Variants in RBL1 observed in about 807,000 individuals in gnomAD.
The protein encoded by RBL1 is RB transcriptional corepressor like 1, also known as retinoblastoma-like protein 1.
In RBL1, 82 loss-of-function variants were observed where a neutral mutation model predicts 123.0. That is an observed-to-expected ratio of 0.67 (90% CI 0.56 to 0.80). The LOEUF (loss-of-function observed/expected upper bound fraction) is 0.80. RBL1 is among the 30% of genes least tolerant of loss of function. The pLI is 0.00. For missense variants in RBL1, 1,171 were observed against 1,299.6 expected, an observed-to-expected ratio of 0.90 and a Z score of 1.52; for synonymous variants, 405 against 441.3, an observed-to-expected ratio of 0.92 and a Z score of 1.03.
At position 37,089,116 on chromosome 20, in the gene RBL1, C is replaced by T. The variant is rs1249875860; in HGVS notation, c.163G>A (p.Val55Ile). ...IRGNYSLEGE[V>I]THWLACSLYV... ...AATGAACATGCCAACCAGTGTGTAA[C>T]TTCTCCCTGGCAAGCAAAAGACAAA... The change falls in exon 2 of 22, where the codon GTT becomes ATT. Residue 55 changes from valine to isoleucine, a missense_variant. Physicochemically the swap from Val to Ile is conservative, Grantham distance 29. Transcript: ENST00000373664. The T allele has an allele frequency of 1.3e-6, 2 of 1,598,286 alleles. No individual in the cohort carries two copies. The highest frequency in any genetic ancestry group is 2.3e-5 in the East Asian group (1 of 44,092).
At chr20:37,093,260 C>A (rs1309450435) in intron 1 of RBL1, among the ~76,000 whole-genome samples, 1 of 151,818 alleles carries the variant, frequency 6.6e-6, no homozygotes, top group Non-Finnish European at 1.5e-5. Context: ...ACTCCAAATA[C>A]CTTTAAAAAA....
At chr20:37,087,376 G>A (rs2065565682) in intron 2 of RBL1, among the ~76,000 whole-genome samples, 1 of 151,944 alleles carries the variant, frequency 6.6e-6, no homozygotes. Context: ...TTAAGGTCAG[G>A]ACTTTGAGAC....
At chr20:37,079,218 A>C (rs1033135849) in intron 2 of RBL1, among the ~76,000 whole-genome samples, 1 of 151,776 alleles carries the variant, frequency 6.6e-6, no homozygotes, top group Non-Finnish European at 1.5e-5. Context: ...AAAAAAAAAA[A>C]AAACCCTCAA....
Position 37,061,212 on chromosome 20 carries a change from C to T in RBL1, c.1141G>A (p.Glu381Lys). ...LTGRRYLREK[E>K]AVITPVASAT... ...GATGCAACAGGAGTAATGACTGCTT[C>T]TTTTTCTCGTAAATATCTCCGTCCG... Residue 381 changes from glutamate to lysine, a missense_variant, in exon 9 of 22, where the codon GAA becomes AAA. Transcript: ENST00000373664. 1.2e-6 allele frequency: 2 copies of T among 1,614,118 alleles called. No homozygotes were observed. Among genetic ancestry groups the T allele is most frequent in the East Asian group, 2.2e-5 (1 of 44,880 alleles).
At chr20:37,020,074 A>G (rs1192692839) in intron 18 of RBL1, among the ~76,000 whole-genome samples, 3 of 150,366 alleles carry the variant, frequency 2.0e-5, no homozygotes, top group Non-Finnish European at 4.4e-5. Flanking sequence ...GAATATTATT[A>G]TTATTATACA....
At chr20:37,045,994 T>C (rs1351099938) in intron 12 of RBL1, among the ~76,000 whole-genome samples, 1 of 152,212 alleles carries the variant, frequency 6.6e-6, no homozygotes, top group East Asian at 1.9e-4. Context: ...CGTTATTGAC[T>C]GTGATGACTA....
chr20:37,081,062 T>C (rs549495694), intron 2 of RBL1, among the ~76,000 whole-genome samples: 2 of 152,270 alleles, frequency 1.3e-5, no homozygotes, highest in South Asian at 4.1e-4. Flanking sequence ...TACTGCAAGG[T>C]CAGGGACCTT....
chr20:36,999,707 C>A (rs28693476), intron 21 of RBL1, among the ~76,000 whole-genome samples: 1 of 147,206 alleles, frequency 6.8e-6, no homozygotes, highest in East Asian at 2.0e-4. Context: ...TTGGCCGGGC[C>A]GGTCTCCAGC....
intron 20 of RBL1, 106 bp from the exon 21 acceptor site, chr20:37,003,972 G>T: frequency 1.1e-6 from 1 of 924,784 alleles, no homozygotes. Context: ...CAGTTATACT[G>T]TAAAAAGCTC....
In RBL1 at chr20:37,040,259, T is replaced by G. The variant is rs773406982; in HGVS notation, c.1797A>C (p.Thr599=). 6 of 1,614,126 alleles carry G rather than the reference T, an allele frequency of 3.7e-6. No homozygotes were observed. Among genetic ancestry groups the G allele is most frequent in the Non-Finnish European group, 5.1e-6 (6 of 1,179,976 alleles). ...EEVIFPNNFE[T]GNGGNVQGHL... Reference sequence around the variant, plus strand: ...GTCCCTGCACATTTCCTCCATTTCCTGTTTCAAAGTTATTTGGGAATATAA... The same window carrying G: ...GTCCCTGCACATTTCCTCCATTTCCGGTTTCAAAGTTATTTGGGAATATAA... Residue 599 remains threonine (T), a synonymous_variant, in exon 14 of 22, where the codon ACA becomes ACC. Transcript: ENST00000373664.
chr20:37,059,900 C>T (rs890551289), intron 9 of RBL1, among the ~76,000 whole-genome samples: 2 of 151,482 alleles, frequency 1.3e-5, no homozygotes, highest in African/African-American at 2.4e-5. Context: ...GGGCTGGGCG[C>T]GGTGGCTCAC....
chr20:37,009,335 CTT>C (rs2064119079), intron 19 of RBL1, among the ~76,000 whole-genome samples: 1 of 151,906 alleles, frequency 6.6e-6, no homozygotes, highest in East Asian at 1.9e-4. Flanking sequence ...CCCCAAAACA[CTT>C]ATACTACCAT....
intron 18 of RBL1, among the ~76,000 whole-genome samples, 176 bp from the exon 19 acceptor site, chr20:37,018,545 AAG>A (rs2064291891): frequency 6.6e-6 from 1 of 152,248 alleles, no homozygotes; most frequent in African/African-American, 2.4e-5. Flanking sequence ...CATACCATAA[AAG>A]AGGGGATACT....
At chr20:37,033,872 C>T (rs1188427269) in intron 15 of RBL1, among the ~76,000 whole-genome samples, 1 of 152,084 alleles carries the variant, frequency 6.6e-6, no homozygotes, top group African/African-American at 2.4e-5. Context: ...CTGCCTCAGC[C>T]TCCCAAAGTG....
chr20:37,027,396 A>G (rs567285405), intron 16 of RBL1, among the ~76,000 whole-genome samples: 2 of 152,200 alleles, frequency 1.3e-5, no homozygotes, highest in African/African-American at 4.8e-5. Context: ...TTGCCTGTAG[A>G]CCCAGGTACT....
At chr20:37,063,979 C>T (rs942641350) in intron 7 of RBL1, among the ~76,000 whole-genome samples, 5 of 151,558 alleles carry the variant, frequency 3.3e-5, no homozygotes, top group Admixed American at 6.6e-5. Flanking sequence ...CACGCCACTA[C>T]GTCTGGCTGA....
intron 1 of RBL1, among the ~76,000 whole-genome samples, chr20:37,092,387 G>T (rs1273021389): frequency 6.6e-6 from 1 of 151,906 alleles, no homozygotes; most frequent in Non-Finnish European, 1.5e-5. Context: ...CCCCAGGCTG[G>T]AGTGCAGTGG....
At chr20:37,051,478 G>A (rs372519810) in intron 11 of RBL1, among the ~76,000 whole-genome samples, 5 of 152,262 alleles carry the variant, frequency 3.3e-5, no homozygotes, top group African/African-American at 9.6e-5. Context: ...ACAGCACCTG[G>A]CCTCTCCCAC....
At position 37,062,177 on chromosome 20, in the gene RBL1, A is replaced by G; in HGVS notation, c.990T>C (p.Ile330=). Residue 330 remains isoleucine, a synonymous_variant, in exon 8 of 22, where the codon ATT becomes ATC. Coordinates refer to ENST00000373664, the MANE Select transcript of RBL1 (RefSeq NM_002895.5). ...CACGAGTGAACTTTCGAGGTGTTCC[A>G]ATTTCCTCTTCTGCGTCTGCTCCCA... ...IFLGADAEEE[I]GTPRKFTRDT... 1 of 1,614,162 alleles carries G rather than the reference A, an allele frequency of 6.2e-7. No homozygotes were observed. Among genetic ancestry groups the G allele is most frequent in the Non-Finnish European group, 8.5e-7 (1 of 1,180,020 alleles).
Sources: gnomAD v4.1 joint callset for allele counts (sites outside exome capture counted in the v4.1 genomes callset) on GRCh38, gnomAD v4.1.1 for gene constraint, MANE v1.5 for transcripts, NCBI Gene and HGNC (gene_info 2026-07-23, HGNC 2026-07-21) for gene names.